SNX29: variants seen among roughly 807,000 people sequenced by gnomAD.
The protein encoded by SNX29 is sorting nexin 29.
A neutral mutation model predicts 102.1 loss-of-function variants in SNX29; 78 were observed. That is an observed-to-expected ratio of 0.76 (90% CI 0.64 to 0.92). SNX29 has a LOEUF of 0.92. Ranked by LOEUF, SNX29 falls within the 40% of genes least tolerant of loss-of-function variation. SNX29 has a pLI of 0.00. For synonymous variants in SNX29, 580 were observed against 414.5 expected, an observed-to-expected ratio of 1.40 and a Z score of -4.85; for missense variants, 1,280 against 1,061.7, an observed-to-expected ratio of 1.21 and a Z score of -2.86.
At chr16:12,034,721 T>C (rs569241253) in intron 4 of SNX29, among the ~76,000 whole-genome samples, 1 of 152,158 alleles carries the variant, frequency 6.6e-6, no homozygotes, top group Non-Finnish European at 1.5e-5. Flanking sequence ...AGGTGTTTAA[T>C]CCTGATGTCT....
intron 14 of SNX29, among the ~76,000 whole-genome samples, chr16:12,237,014 C>T (rs979949801): frequency 1.3e-5 from 2 of 152,150 alleles, no homozygotes; most frequent in Admixed American, 6.5e-5. Flanking sequence ...CTTGGACCTC[C>T]GGCTGGCTGG....
Position 12,037,639 on chromosome 16 carries a change from C to T in SNX29, c.248-5258C>T, listed in dbSNP as rs3862449. On this transcript the variant is annotated intron_variant, in intron 4 of 20. Coordinates refer to ENST00000566228, the MANE Select transcript of SNX29 (RefSeq NM_032167.5). Reference sequence around the variant, plus strand: ...GTGGAATGTGTTTCCCGTAGGAAAGCGGGGTGCTCTTACTAGAAGAAAGGG... The same window carrying T: ...GTGGAATGTGTTTCCCGTAGGAAAGTGGGGTGCTCTTACTAGAAGAAAGGG... Among the ~76,000 whole-genome samples, 4 of 152,048 alleles carry T rather than the reference C, an allele frequency of 2.6e-5. No homozygotes were observed. In the East Asian group the frequency reaches 5.8e-4, roughly 22 times the overall value.
intron 16 of SNX29, among the ~76,000 whole-genome samples, chr16:12,372,051 G>A (rs7184369): frequency 0.4 from 61,278 of 152,138 alleles, 14,309 homozygotes; most frequent in Non-Finnish European, 0.55. Context: ...CAAAAGACAA[G>A]TGTTCCCTCC....
chr16:12,346,107 T>A (rs1402526679), intron 15 of SNX29, among the ~76,000 whole-genome samples: 1 of 151,208 alleles, frequency 6.6e-6, no homozygotes, highest in Non-Finnish European at 1.5e-5. Context: ...AGGGGTGTGA[T>A]CCTGGGTTTT....
At chr16:12,438,213 A>G (rs1463881038) in intron 18 of SNX29, among the ~76,000 whole-genome samples, 3 of 152,142 alleles carry the variant, frequency 2.0e-5, no homozygotes, top group African/African-American at 7.2e-5. Context: ...ACTTGAAGGC[A>G]GCCACCAGTC....
chr16:12,081,510 A>G (rs1330583567), intron 11 of SNX29: 4 of 152,138 alleles, frequency 2.6e-5, no homozygotes, highest in Admixed American at 6.6e-5. Context: ...GTTGAGGACA[A>G]CAATGAAGTT....
chr16:12,558,238 C>CA (rs2078495067), intron 20 of SNX29, among the ~76,000 whole-genome samples: 1 of 152,032 alleles, frequency 6.6e-6, no homozygotes, highest in Non-Finnish European at 1.5e-5. Context: ...TCAGCCCCCC[C>CA]AGTAGATGGT....
chr16:12,384,498 A>T (rs7196271), intron 16 of SNX29, among the ~76,000 whole-genome samples: 29,838 of 152,152 alleles, frequency 0.2, 4,235 homozygotes, highest in African/African-American at 0.39. Flanking sequence ...TAGACCTGTT[A>T]GCCATTTGTA....
intron 20 of SNX29, among the ~76,000 whole-genome samples, chr16:12,542,585 G>C (rs2077391358): frequency 6.6e-6 from 1 of 152,208 alleles, no homozygotes; most frequent in Admixed American, 6.5e-5. Flanking sequence ...ACCCGCCTCA[G>C]CCTCCCAAAG....
At chr16:12,097,495 A>G (rs1361077242) in intron 11 of SNX29, among the ~76,000 whole-genome samples, 1 of 151,686 alleles carries the variant, frequency 6.6e-6, no homozygotes, top group Non-Finnish European at 1.5e-5. Context: ...CAGTGAGTAC[A>G]CAAGGTCTCA....
chr16:12,077,261 G>A (rs55963117), intron 10 of SNX29, among the ~76,000 whole-genome samples: 32,962 of 151,282 alleles, frequency 0.22, 4,063 homozygotes, highest in African/African-American at 0.34. Context: ...CCTAGTTAAC[G>A]GAGTGAGAAC....
At chr16:12,118,313 C>CTTTTTTTTTTTTTTTG (rs2053822831) in intron 11 of SNX29, among the ~76,000 whole-genome samples, 1 of 86,114 alleles carries the variant, frequency 1.2e-5, no homozygotes, top group African/African-American at 5.2e-5. Flanking sequence ...TACAGACCAC[C>CTTTTTTTTTTTTTTTG]TTTTTTTTTT....
chr16:12,334,870 C>A (rs939439948), intron 15 of SNX29, among the ~76,000 whole-genome samples: 1 of 135,916 alleles, frequency 7.4e-6, no homozygotes, highest in Non-Finnish European at 1.6e-5. Flanking sequence ...TTGTGTCAGC[C>A]CCTTTTGCTT....
intron 20 of SNX29, among the ~76,000 whole-genome samples, chr16:12,534,749 G>C (rs1597790639): frequency 6.6e-6 from 1 of 152,338 alleles, no homozygotes; most frequent in African/African-American, 2.4e-5. Flanking sequence ...CTAAACCCAA[G>C]TGGCTTTCTT....
chr16:12,561,953 G>T (rs1560115), intron 20 of SNX29, among the ~76,000 whole-genome samples: 88,371 of 151,962 alleles, frequency 0.58, 26,162 homozygotes, highest in Middle Eastern at 0.73. Flanking sequence ...TGCATCCCTG[G>T]GGGCATGATG....
intron 18 of SNX29, among the ~76,000 whole-genome samples, chr16:12,456,866 C>T (rs2086562811): frequency 6.6e-6 from 1 of 152,112 alleles, no homozygotes; most frequent in Non-Finnish European, 1.5e-5. Context: ...GGGAGCTGCT[C>T]AGGAGCACCC....
chr16:12,041,717 A>C (rs932211995), intron 4 of SNX29, among the ~76,000 whole-genome samples: 7 of 152,158 alleles, frequency 4.6e-5, no homozygotes, highest in African/African-American at 1.7e-4. Context: ...CCTGCCTCTT[A>C]TGAAGATCTT....
intron 19 of SNX29, among the ~76,000 whole-genome samples, chr16:12,484,439 C>T (rs1424047501): frequency 3.3e-5 from 5 of 152,176 alleles, no homozygotes. Context: ...GAGATTTGTA[C>T]AACATAAATC....
chr16:11,999,412 T>C, intron 2 of SNX29, 54 bp downstream of exon 2: 1 of 1,565,132 alleles, frequency 6.4e-7, no homozygotes, highest in Non-Finnish European at 8.8e-7. Context: ...GTCAGATAAT[T>C]AATGTAGGTC....
Sources: allele counts gnomAD v4.1 joint callset (sites outside exome capture counted in the v4.1 genomes callset), GRCh38; gene constraint gnomAD v4.1.1; transcripts MANE v1.5; gene names NCBI Gene and HGNC (gene_info 2026-07-23, HGNC 2026-07-21).